The following CTIF variants were observed in gnomAD, a reference collection of about 807,000 sequenced individuals.
CTIF encodes cap binding complex dependent translation initiation factor, also known as CBP80/20-dependent translation initiation factor.
CTIF carries 21 observed loss-of-function variants against 66.0 expected under a neutral mutation model. That is an observed-to-expected ratio of 0.32 (90% confidence interval 0.23 to 0.46). CTIF has a LOEUF of 0.46. Among genes scored for constraint, CTIF ranks in the 20% least tolerant of loss-of-function variants. The pLI, the probability that CTIF is intolerant of heterozygous loss-of-function variation, is 1.00. For synonymous variants in CTIF, 345 were observed against 326.4 expected, an observed-to-expected ratio of 1.06 and a Z score of -0.62; for missense variants, 739 against 812.7, an observed-to-expected ratio of 0.91 and a Z score of 1.10.
chr18:48,664,668 G>C lies in CTIF; in HGVS notation c.431+117G>C, dbSNP rs2091405487. 4.9e-6 allele frequency: 4 copies of C among 819,280 alleles called. No homozygotes were observed. The East Asian group carries it at 8.0e-5, about 16-fold the overall frequency. 50.8% of individuals were successfully genotyped at this position (819,280 alleles called of 1,614,324 possible). A position where few individuals can be genotyped will look rare whatever the true frequency, so the allele number is the denominator to read the frequency against. On this transcript the variant is annotated intron_variant, in intron 5 of 11. Transcript: ENST00000256413. ...GGGACTCAGGTGGCTGATGCCCCGG[G>C]ATGCTCTTCTTATGCGTCCCAGAGC...
At chr18:48,672,805 C>T (rs78077696) in intron 6 of CTIF, among the ~76,000 whole-genome samples, 142 of 152,306 alleles carry the variant, frequency 9.3e-4, no homozygotes, top group Non-Finnish European at 1.4e-3. Flanking sequence ...ATCTCCGGCC[C>T]CTTCTGTCCC....
At chr18:48,757,391 C>T (rs1206369021) in intron 7 of CTIF, among the ~76,000 whole-genome samples, 1 of 149,602 alleles carries the variant, frequency 6.7e-6, no homozygotes, top group Admixed American at 6.6e-5. Flanking sequence ...TGACAATGTT[C>T]CAAAAAAAAA....
intron 3 of CTIF, among the ~76,000 whole-genome samples, chr18:48,652,038 T>C (rs937482219): frequency 1.3e-5 from 2 of 151,956 alleles, no homozygotes; most frequent in African/African-American, 4.8e-5. Context: ...TTGACAAAGA[T>C]CTAAAATCGA....
chr18:48,729,064 C>T (rs1339772930), intron 7 of CTIF, among the ~76,000 whole-genome samples: 1 of 152,170 alleles, frequency 6.6e-6, no homozygotes, highest in Non-Finnish European at 1.5e-5. Flanking sequence ...CAAATGCCCT[C>T]CTCATCCTGT....
intron 1 of CTIF, among the ~76,000 whole-genome samples, chr18:48,557,172 G>T (rs1260538654): frequency 6.6e-6 from 1 of 152,100 alleles, no homozygotes; most frequent in African/African-American, 2.4e-5. Flanking sequence ...ACAGGAGGAT[G>T]GTGGGGAAGA....
intron 6 of CTIF, among the ~76,000 whole-genome samples, chr18:48,689,234 G>C (rs1050334132): frequency 1.3e-5 from 2 of 152,204 alleles, no homozygotes; most frequent in Admixed American, 1.3e-4. Context: ...CCTGAAGGAG[G>C]CCACTAGCCA....
intron 7 of CTIF, among the ~76,000 whole-genome samples, chr18:48,735,737 A>G (rs1322272317): frequency 6.6e-6 from 1 of 152,152 alleles, no homozygotes. Context: ...TTCCCCCATC[A>G]AAATAGGCTA....
At chr18:48,783,661 A>G (rs1911449044) in intron 9 of CTIF, among the ~76,000 whole-genome samples, 1 of 151,744 alleles carries the variant, frequency 6.6e-6, no homozygotes, top group Non-Finnish European at 1.5e-5. Flanking sequence ...TCATCTTTAC[A>G]CCTGGGATTT....
chr18:48,555,909 C>T (rs1263816675), intron 1 of CTIF, among the ~76,000 whole-genome samples: 2 of 152,172 alleles, frequency 1.3e-5, no homozygotes, highest in African/African-American at 4.8e-5. Context: ...TTCAGGGAGC[C>T]TTCAGCCAGC....
At position 48,677,251 on chromosome 18, in the gene CTIF, C is replaced by T. The variant is rs577340759; in HGVS notation, c.507+6507C>T. Among the ~76,000 whole-genome samples, 54 of 152,284 alleles carry T rather than the reference C, an allele frequency of 3.5e-4. 1 individual carries two copies. The South Asian group carries it at 0.011, about 30-fold the overall frequency. On this transcript the variant is annotated intron_variant, in intron 6 of 11. Coordinates refer to ENST00000256413, the MANE Select transcript of CTIF (RefSeq NM_014772.3). ...CGCCTCCCCAGGCCCTGTGCACCGGCGACTGTTGCTCCATGTCACCCGTGG... is the reference window on the plus strand; with the variant it reads ...CGCCTCCCCAGGCCCTGTGCACCGGTGACTGTTGCTCCATGTCACCCGTGG...
rs534717452 is a variant in CTIF, at chr18:48,832,094, C to A, written c.1527+14718C>A. 1.4e-3 allele frequency among the ~76,000 whole-genome samples: 210 copies of A among 152,076 alleles called. 1 individual carries two copies. The highest frequency in any genetic ancestry group is 4.9e-3 in the African/African-American group (202 of 41,452). Reference sequence around the variant, plus strand: ...CAAAGGGGCACCATGAATACTAAAACCTCAAGCTCACAGCCAGTGTGCGTG... The same window carrying A: ...CAAAGGGGCACCATGAATACTAAAAACTCAAGCTCACAGCCAGTGTGCGTG... On this transcript the variant is annotated intron_variant, in intron 10 of 11. Transcript: ENST00000256413.
At chr18:48,566,874 C>T (rs1377759151) in intron 1 of CTIF, 1 of 152,184 alleles carries the variant, frequency 6.6e-6, no homozygotes, top group Admixed American at 6.5e-5. Flanking sequence ...ACTTCCTGGG[C>T]ACTCCTACAT....
chr18:48,850,930 C>G (rs1056678838), intron 10 of CTIF, among the ~76,000 whole-genome samples: 1 of 152,238 alleles, frequency 6.6e-6, no homozygotes, highest in Non-Finnish European at 1.5e-5. Context: ...GTGCTCTCTG[C>G]GTTCCAGCAA....
chr18:48,585,224 C>T (rs2089741443), intron 1 of CTIF, among the ~76,000 whole-genome samples: 1 of 152,194 alleles, frequency 6.6e-6, no homozygotes, highest in Non-Finnish European at 1.5e-5. Flanking sequence ...GGTGTTAACA[C>T]CATTTGAAGA....
intron 2 of CTIF, among the ~76,000 whole-genome samples, chr18:48,629,220 T>C (rs1361692714): frequency 6.6e-6 from 1 of 152,230 alleles, no homozygotes; most frequent in Non-Finnish European, 1.5e-5. Flanking sequence ...ACCTGGCCTG[T>C]GGACCCCCAA....
chr18:48,858,404 A>T (rs2069378533), intron 11 of CTIF, among the ~76,000 whole-genome samples: 1 of 152,184 alleles, frequency 6.6e-6, no homozygotes, highest in African/African-American at 2.4e-5. Flanking sequence ...TTAGGGGGGA[A>T]TTAGGGAGAA....
intron 9 of CTIF, among the ~76,000 whole-genome samples, chr18:48,767,245 G>T (rs1030139825): frequency 2.0e-5 from 3 of 152,232 alleles, no homozygotes; most frequent in Admixed American, 6.5e-5. Context: ...ATTGTGGTGT[G>T]ATACAGGGCG....
At chr18:48,540,845 C>G (rs1229995979) in intron 1 of CTIF, among the ~76,000 whole-genome samples, 2 of 151,606 alleles carry the variant, frequency 1.3e-5, no homozygotes, top group African/African-American at 2.4e-5. Flanking sequence ...CGTGTGTCCC[C>G]GCGCGCGCGC....
At chr18:48,574,807 T>C (rs2143708062) in intron 1 of CTIF, among the ~76,000 whole-genome samples, 1 of 152,314 alleles carries the variant, frequency 6.6e-6, no homozygotes, top group East Asian at 1.9e-4. Flanking sequence ...AGCTCTTTCA[T>C]TAGACACAGC....
Sources: allele counts gnomAD v4.1 joint callset (sites outside exome capture counted in the v4.1 genomes callset), GRCh38; gene constraint gnomAD v4.1.1; transcripts MANE v1.5; gene names NCBI Gene and HGNC (gene_info 2026-07-23, HGNC 2026-07-21).